Variants in SLIT3 observed in about 807,000 individuals in gnomAD.
SLIT3 encodes slit homolog 3 protein.
SLIT3 carries 68 observed loss-of-function variants against 184.0 expected under a neutral mutation model. That is an observed-to-expected ratio of 0.37 (90% CI 0.30 to 0.45). SLIT3 has a LOEUF of 0.45. SLIT3 is among the 20% of genes least tolerant of loss of function. The pLI is 1.00. For missense variants in SLIT3, 1,707 were observed against 2,026.0 expected (o/e 0.84, Z 3.02); for synonymous variants, 831 against 828.6 (o/e 1.00, Z -0.05).
chr5:168,666,339 T>C lies in SLIT3; in HGVS notation c.*115A>G. On this transcript the variant is annotated 3_prime_UTR_variant, in exon 36 of 36. Transcript: ENST00000519560. ...CAATATACTTAATATTCTCTTCTTC[T>C]TTACCTTCCTCTCCAGCTTCATTTC... 9.9e-7 allele frequency: 1 copy of C among 1,007,138 alleles called. No homozygotes were observed. The highest frequency in any genetic ancestry group is 1.4e-6 in the Non-Finnish European group (1 of 725,914). The allele number at this position is 1,007,138 out of a possible 1,614,324, so 62.4% of individuals were successfully genotyped here.
intron 16 of SLIT3, among the ~76,000 whole-genome samples, chr5:168,755,389 A>ATTTCTTTC (rs139729506): frequency 0.026 from 3,459 of 133,662 alleles, 167 homozygotes; most frequent in East Asian, 0.037. Flanking sequence ...CAGTGCCGCC[A>ATTTCTTTC]TTTCTTTCTT....
intron 4 of SLIT3, among the ~76,000 whole-genome samples, chr5:168,960,205 G>C (rs1581247171): frequency 6.6e-6 from 1 of 152,168 alleles, no homozygotes; most frequent in South Asian, 2.1e-4. Context: ...ATGGTACCTG[G>C]CGTACTGCAT....
At chr5:168,852,047 G>A (rs1758699712) in intron 5 of SLIT3, among the ~76,000 whole-genome samples, 1 of 152,210 alleles carries the variant, frequency 6.6e-6, no homozygotes, top group South Asian at 2.1e-4. Context: ...AGAAGTATCA[G>A]TGTTTTACTT....
At chr5:169,018,142 C>T (rs768110674) in intron 4 of SLIT3, among the ~76,000 whole-genome samples, 1 of 152,230 alleles carries the variant, frequency 6.6e-6, no homozygotes, top group South Asian at 2.1e-4. Context: ...AATACAAGTT[C>T]TCAGGCCCCA....
intron 4 of SLIT3, among the ~76,000 whole-genome samples, chr5:168,927,909 T>A (rs2113150684): frequency 6.6e-6 from 1 of 152,372 alleles, no homozygotes. Context: ...TGTCATTTCC[T>A]TTCTTCAGCT....
At chr5:169,078,363 G>T (rs1758827937) in intron 4 of SLIT3, among the ~76,000 whole-genome samples, 1 of 151,960 alleles carries the variant, frequency 6.6e-6, no homozygotes, top group Admixed American at 6.6e-5. Context: ...GGAACTCTGG[G>T]GGCTGCCTTC....
chr5:168,728,194 T>G (rs561541043), intron 20 of SLIT3, among the ~76,000 whole-genome samples: 37 of 151,698 alleles, frequency 2.4e-4, no homozygotes, highest in African/African-American at 8.5e-4. Flanking sequence ...AGACCACTGA[T>G]CCTATGCCCT....
intron 4 of SLIT3, among the ~76,000 whole-genome samples, chr5:168,954,414 G>T (rs999655378): frequency 4.6e-5 from 7 of 151,996 alleles, no homozygotes; most frequent in Non-Finnish European, 8.8e-5. Flanking sequence ...TTTAGGTGGG[G>T]CCTGGGGAGC....
At chr5:168,762,223 G>A (rs572544352) in intron 15 of SLIT3, among the ~76,000 whole-genome samples, 14 of 152,216 alleles carry the variant, frequency 9.2e-5, no homozygotes, top group South Asian at 6.2e-4. Context: ...TGGTTTTACT[G>A]TAAGCTCCGT....
intron 3 of SLIT3, among the ~76,000 whole-genome samples, chr5:169,199,092 G>A (rs571121679): frequency 4.8e-4 from 73 of 151,976 alleles, no homozygotes; most frequent in Admixed American, 3.7e-3. Context: ...GGTTGAAATC[G>A]GAAGCAGGAA....
At chr5:169,147,195 C>T (rs1172437251) in intron 4 of SLIT3, among the ~76,000 whole-genome samples, 1 of 152,146 alleles carries the variant, frequency 6.6e-6, no homozygotes, top group Non-Finnish European at 1.5e-5. Flanking sequence ...GTTCCAGCCA[C>T]ACATCAGAAA....
intron 4 of SLIT3, among the ~76,000 whole-genome samples, chr5:169,091,868 T>A (rs1359174847): frequency 6.6e-6 from 1 of 152,196 alleles, no homozygotes; most frequent in Non-Finnish European, 1.5e-5. Flanking sequence ...GGAAATCACA[T>A]TGCCCAAGGT....
intron 20 of SLIT3, among the ~76,000 whole-genome samples, chr5:168,734,696 T>C (rs1223632591): frequency 6.6e-6 from 1 of 152,210 alleles, no homozygotes; most frequent in Non-Finnish European, 1.5e-5. Context: ...TTGGCTGTCT[T>C]TTCATCACAG....
At chr5:169,274,392 C>T (rs111911009) in intron 1 of SLIT3, among the ~76,000 whole-genome samples, 46 of 152,182 alleles carry the variant, frequency 3.0e-4, no homozygotes, top group Middle Eastern at 3.4e-3. Context: ...TTCGTCAAAT[C>T]GAAAGAAGCA....
intron 5 of SLIT3, among the ~76,000 whole-genome samples, chr5:168,850,900 T>A (rs574407634): frequency 6.6e-6 from 1 of 152,106 alleles, no homozygotes; most frequent in Non-Finnish European, 1.5e-5. Flanking sequence ...AATAAAGAGG[T>A]GTTTTACACA....
intron 20 of SLIT3, among the ~76,000 whole-genome samples, chr5:168,730,659 A>T (rs1195995466): frequency 1.3e-5 from 2 of 151,548 alleles, no homozygotes; most frequent in Non-Finnish European, 3.0e-5. Flanking sequence ...AATTAAAATT[A>T]AAAAAAAATC....
At chr5:168,667,724 C>A (rs1222144011) in intron 35 of SLIT3, 1 of 152,260 alleles carries the variant, frequency 6.6e-6, no homozygotes. Flanking sequence ...AACTCCCAGG[C>A]TGTTACGGGC....
At chr5:168,733,326 A>C (rs1268057944) in intron 20 of SLIT3, among the ~76,000 whole-genome samples, 1 of 152,194 alleles carries the variant, frequency 6.6e-6, no homozygotes, top group African/African-American at 2.4e-5. Context: ...AGGAATGCTC[A>C]TATGCTACTG....
chr5:168,906,191 G>A (rs1013239065), intron 4 of SLIT3, among the ~76,000 whole-genome samples: 2 of 152,148 alleles, frequency 1.3e-5, no homozygotes, highest in East Asian at 1.9e-4. Flanking sequence ...TGAACATACC[G>A]TACTATGCTA....
Sources: gnomAD v4.1 joint callset for allele counts (sites outside exome capture counted in the v4.1 genomes callset) on GRCh38, gnomAD v4.1.1 for gene constraint, MANE v1.5 for transcripts, NCBI Gene and HGNC (gene_info 2026-07-23, HGNC 2026-07-21) for gene names.